Variants in KDM4C observed in about 807,000 individuals in gnomAD.
KDM4C encodes the protein lysine-specific demethylase 4C.
KDM4C carries 81 observed loss-of-function variants against 129.3 expected under a neutral mutation model. The observed-to-expected ratio is 0.63, with a 90% CI of 0.52 to 0.75. KDM4C has a LOEUF of 0.75. Ranked by LOEUF, KDM4C falls within the 30% of genes least tolerant of loss-of-function variation. The pLI is 0.00. For missense variants in KDM4C, 1,457 were observed against 1,304.0 expected (o/e 1.12, Z -1.81); for synonymous variants, 573 against 456.1 (o/e 1.26, Z -3.26).
At chr9:6,847,354 T>C (rs2130037942) in intron 4 of KDM4C, among the ~76,000 whole-genome samples, 1 of 152,304 alleles carries the variant, frequency 6.6e-6, no homozygotes, top group Non-Finnish European at 1.5e-5. Context: ...CATAATGTGA[T>C]TGAACTTCTA....
At chr9:6,904,842 C>T (rs976008859) in intron 8 of KDM4C, among the ~76,000 whole-genome samples, 3 of 152,016 alleles carry the variant, frequency 2.0e-5, no homozygotes, top group South Asian at 2.1e-4. Flanking sequence ...AACTAAACGG[C>T]GTTAGTCAAC....
In KDM4C at chr9:6,816,457, C is replaced by G. The variant is rs930497155; in HGVS notation, c.435+1712C>G. Among the ~76,000 whole-genome samples the G allele has an allele frequency of 6.6e-5, 10 of 152,268 alleles. No homozygotes were observed. The East Asian group carries it at 1.9e-3, about 29-fold the overall frequency. ...CTTCTGACTTGAAGGTAATCATTTTCTTCTTTTGTTTAACAGTACAGCTCA... is the reference window on the plus strand; with the variant it reads ...CTTCTGACTTGAAGGTAATCATTTTGTTCTTTTGTTTAACAGTACAGCTCA... On this transcript the variant is annotated intron_variant, in intron 4 of 21. Transcript: ENST00000381309.
intron 8 of KDM4C, among the ~76,000 whole-genome samples, chr9:6,918,918 C>G (rs1031171398): frequency 2.0e-5 from 3 of 152,050 alleles, no homozygotes; most frequent in African/African-American, 7.2e-5. Context: ...GTGGCACAGT[C>G]TTAGCTCACT....
chr9:6,726,718 C>A (rs1049263472), intron 1 of KDM4C: 1 of 152,196 alleles, frequency 6.6e-6, no homozygotes, highest in Admixed American at 6.6e-5. Flanking sequence ...TTGCCTTAAT[C>A]TTTTTATCCA....
At chr9:6,805,837 C>A in intron 3 of KDM4C, 63 bp downstream of exon 3, 2 of 1,447,366 alleles carry the variant, frequency 1.4e-6, no homozygotes, top group Non-Finnish European at 1.9e-6. Flanking sequence ...TGTTAAGAAA[C>A]AAAGTAGACA....
intron 11 of KDM4C, among the ~76,000 whole-genome samples, chr9:6,987,079 C>T (rs887341300): frequency 3.3e-5 from 5 of 152,178 alleles, no homozygotes; most frequent in Non-Finnish European, 7.3e-5. Context: ...GTAAAGATTA[C>T]AGAATTGTTC....
At chr9:6,859,000 G>C (rs1435711701) in intron 5 of KDM4C, among the ~76,000 whole-genome samples, 5 of 152,098 alleles carry the variant, frequency 3.3e-5, no homozygotes, top group Admixed American at 2.0e-4. Flanking sequence ...CATTTCTAAA[G>C]CTAGGATTAC....
chr9:6,741,678 T>C (rs868409756), intron 1 of KDM4C, among the ~76,000 whole-genome samples: 7 of 66,942 alleles, frequency 1.0e-4, no homozygotes, highest in African/African-American at 4.8e-4. Context: ...TGGCAGCTCT[T>C]TTTTTTTTTT....
At chr9:6,960,601 A>C (rs1829872008) in intron 8 of KDM4C, among the ~76,000 whole-genome samples, 1 of 152,332 alleles carries the variant, frequency 6.6e-6, no homozygotes, top group African/African-American at 2.4e-5. Context: ...GAAAGTAGGA[A>C]AAAAGGAAGT....
At chr9:7,099,771 C>T (rs1836863111) in intron 17 of KDM4C, among the ~76,000 whole-genome samples, 1 of 152,322 alleles carries the variant, frequency 6.6e-6, no homozygotes, top group Non-Finnish European at 1.5e-5. Flanking sequence ...CCAGAACTGT[C>T]CTGTCAGAGA....
intron 2 of KDM4C, among the ~76,000 whole-genome samples, chr9:6,798,114 CTTTAA>C (rs1437446316): frequency 5.9e-5 from 9 of 152,244 alleles, no homozygotes; most frequent in East Asian, 1.9e-4. Context: ...CATTTGAACT[CTTTAA>C]TTTAAATGAA....
At chr9:7,106,773 G>A (rs1837740361) in intron 18 of KDM4C, among the ~76,000 whole-genome samples, 1 of 152,076 alleles carries the variant, frequency 6.6e-6, no homozygotes, top group South Asian at 2.1e-4. Flanking sequence ...GGAGTTGTAG[G>A]TGTGATCCAC....
At chr9:6,974,898 C>G (rs879474542) in intron 8 of KDM4C, 30 of 152,146 alleles carry the variant, frequency 2.0e-4, no homozygotes, top group African/African-American at 7.2e-4. Flanking sequence ...TGTTTAATAT[C>G]TCTAACTCTG....
intron 17 of KDM4C, among the ~76,000 whole-genome samples, chr9:7,086,611 T>G (rs1284534481): frequency 6.6e-6 from 1 of 152,184 alleles, no homozygotes; most frequent in African/African-American, 2.4e-5. Context: ...CAGCCTTTGA[T>G]CCTGTCTGGA....
At chr9:6,933,797 AT>A (rs1824195675) in intron 8 of KDM4C, among the ~76,000 whole-genome samples, 1 of 151,722 alleles carries the variant, frequency 6.6e-6, no homozygotes, top group East Asian at 1.9e-4. Flanking sequence ...TTTAGAGTAA[AT>A]GGTTTTTTTT....
intron 5 of KDM4C, among the ~76,000 whole-genome samples, chr9:6,867,017 A>ATTTTTTTTTTTTT (rs139668753): frequency 4.8e-5 from 4 of 83,782 alleles, no homozygotes; most frequent in African/African-American, 1.8e-4. Flanking sequence ...ATATATATAT[A>ATTTTTTTTTTTTT]TTTTTTTTTT....
At chr9:6,993,630 G>A (rs1009966520) in intron 12 of KDM4C, among the ~76,000 whole-genome samples, 21 of 152,160 alleles carry the variant, frequency 1.4e-4, no homozygotes, top group African/African-American at 5.1e-4. Context: ...AAGTGCATGG[G>A]TGAACTATGC....
upstream of KDM4C, among the ~76,000 whole-genome samples, chr9:6,753,237 G>A (rs1267240112): frequency 6.6e-6 from 1 of 152,122 alleles, no homozygotes; most frequent in Non-Finnish European, 1.5e-5. Flanking sequence ...AGGATTTCAT[G>A]GATCTAAAAC....
intron 17 of KDM4C, chr9:7,076,670 G>T (rs988954436): frequency 1.5e-6 from 2 of 1,306,938 alleles, no homozygotes; most frequent in Middle Eastern, 2.0e-4. Context: ...ATTTTCCTCT[G>T]GATCCTCACA....
Sources: gnomAD v4.1 joint callset for allele counts (sites outside exome capture counted in the v4.1 genomes callset) on GRCh38, gnomAD v4.1.1 for gene constraint, MANE v1.5 for transcripts, NCBI Gene and HGNC (gene_info 2026-07-23, HGNC 2026-07-21) for gene names.